Variants in PLCB2 observed in about 807,000 individuals in gnomAD.
PLCB2 encodes the protein phospholipase C beta 2.
A neutral mutation model predicts 141.7 loss-of-function variants in PLCB2; 115 were observed. The ratio of observed to expected loss-of-function variants is 0.81; its 90% CI spans 0.70 to 0.95. The LOEUF is 0.95. Among genes scored for constraint, PLCB2 ranks in the 40% least tolerant of loss-of-function variants. The pLI, the probability that PLCB2 is intolerant of heterozygous loss-of-function variation, is 0.00. For synonymous variants in PLCB2, 603 were observed against 595.6 expected (o/e 1.01, Z -0.18); for missense variants, 1,403 against 1,541.1 (o/e 0.91, Z 1.50).
At chr15:40,292,036 C>T in intron 23 of PLCB2, 28 bp downstream of exon 23, 1 of 1,609,494 alleles carries the variant, frequency 6.2e-7, no homozygotes, top group Non-Finnish European at 8.5e-7. Context: ...TCTGGTGAGC[C>T]CCTGGCAGCA....
intron 3 of PLCB2, 136 bp from the exon 4 acceptor site, chr15:40,302,745 G>A (rs2040585784): frequency 1.1e-6 from 1 of 913,814 alleles, no homozygotes; most frequent in Non-Finnish European, 1.6e-6. Flanking sequence ...GGAACCACAG[G>A]CCTTAGCATC....
downstream of PLCB2, chr15:40,284,294 GCA>G: frequency 6.0e-6 from 2 of 331,550 alleles, no homozygotes; most frequent in South Asian, 4.6e-5. Context: ...TTCATGAGCC[GCA>G]CATTTTGTTG....
At chr15:40,284,278 A>G (rs919523383), downstream of PLCB2, 3 of 337,930 alleles carry the variant, frequency 8.9e-6, no homozygotes, top group Non-Finnish European at 1.8e-5. Context: ...GAATTTACTG[A>G]GACTTTTCAT....
chr15:40,299,070 G>A (rs761693922), intron 8 of PLCB2, 58 bp downstream of exon 8: 16 of 1,566,192 alleles, frequency 1.0e-5, no homozygotes, highest in Non-Finnish European at 1.2e-5. Context: ...GCAGGTGGGA[G>A]GAGGGGATTG....
At position 40,304,036 on chromosome 15, in the gene PLCB2, T is replaced by G. The variant is rs1289690435; in HGVS notation, c.127A>C (p.Lys43Gln). ...ASPVILRVDP[K>Q]GYYLYWTYQS... ...TACGTCCAGTATAAGTAGTAGCCCT[T>G]AGGATCCACACGGAGGATAACTGGA... The change falls in exon 2 of 32, where the codon AAG becomes CAG. Residue 43 changes from lysine (K) to glutamine (Q), a missense_variant. Coordinates refer to ENST00000260402, the MANE Select transcript of PLCB2 (RefSeq NM_004573.3). 1.9e-6 allele frequency: 3 copies of G among 1,600,418 alleles called. No individual in the cohort carries two copies. Among genetic ancestry groups the G allele is most frequent in the Admixed American group, 1.7e-5 (1 of 57,720 alleles).
rs1234308401 is a variant in PLCB2 at position 40,291,077 on chromosome 15, G to A, written c.2977C>T (p.Arg993Trp). ...CACTCGTACTGCTCCTCGCCCTGCC[G>A]CAGCAGCTCCAGCTCCAGCCTGTCT... ...LKDRLELELLRQGEEQYECVL... is the reference protein window; with the variant it reads ...LKDRLELELLWQGEEQYECVL... The change falls in exon 27 of 32, where the codon CGG becomes TGG. Residue 993 changes from arginine to tryptophan, a missense_variant. Physicochemically the swap from Arg to Trp is moderately radical, Grantham distance 101. Coordinates refer to ENST00000260402, the MANE Select transcript of PLCB2 (RefSeq NM_004573.3). 2 of 1,590,164 alleles carry A rather than the reference G, an allele frequency of 1.3e-6. No homozygotes were observed. Among genetic ancestry groups the A allele is most frequent in the African/African-American group, 2.7e-5 (2 of 74,786 alleles).
intron 3 of PLCB2, 33 bp from the exon 4 acceptor site, chr15:40,302,642 G>A (rs747498689): frequency 8.1e-6 from 13 of 1,611,330 alleles, no homozygotes; most frequent in Non-Finnish European, 1.1e-5. Flanking sequence ...TAGGATGGAG[G>A]TGTGCTCCCT....
In PLCB2 at chr15:40,294,403, TC is replaced by T; in HGVS notation, c.1923del (p.Asn642ThrfsTer47). On this transcript the variant is annotated frameshift_variant, in exon 19 of 32. Coordinates refer to ENST00000260402, the MANE Select transcript of PLCB2 (RefSeq NM_004573.3). LOFTEE classifies it high-confidence loss of function. ...NFQTMDLPMQ[Q>X]NMAVFEFNGQ... ...CCGTTGAACTCAAATACTGCCATGT[TC>T]TGCTGCATGGGCAAGTCTGGAGGGA... 1 of 1,614,204 alleles carries T rather than the reference TC, an allele frequency of 6.2e-7. No individual in the cohort carries two copies. Among genetic ancestry groups the T allele is most frequent in the Non-Finnish European group, 8.5e-7 (1 of 1,180,020 alleles).
chr15:40,299,673 A>G (rs2040411990), intron 7 of PLCB2, among the ~76,000 whole-genome samples: 1 of 152,262 alleles, frequency 6.6e-6, no homozygotes, highest in South Asian at 2.1e-4. Context: ...CAATTCAACA[A>G]TAATATTTGG....
chr15:40,294,869 C>G (rs2040120649), intron 18 of PLCB2, 67 bp downstream of exon 18: 2 of 1,604,246 alleles, frequency 1.2e-6, no homozygotes, highest in Non-Finnish European at 1.7e-6. Context: ...AAAGACCCCT[C>G]AAGGATGTAA....
chr15:40,291,361 T>G lies in PLCB2; in HGVS notation c.2774A>C (p.Gln925Pro). Reference sequence around the variant, plus strand: ...CTCCGCCAGCTGCGCCGCGCCCCGCTGCAGCAGCTCCTCCCAGCGCCGCGC... The same window carrying G: ...CTCCGCCAGCTGCGCCGCGCCCCGCGGCAGCAGCTCCTCCCAGCGCCGCGC... ...RGARRWEELL[Q>P]RGAAQLAELG... is the part of the protein sequence containing the mutation. The change falls in exon 26 of 32, where the codon CAG becomes CCG. Residue 925 changes from glutamine to proline, a missense_variant. Coordinates refer to ENST00000260402, the MANE Select transcript of PLCB2 (RefSeq NM_004573.3). 6.6e-7 allele frequency: 1 copy of G among 1,525,660 alleles called. No individual in the cohort carries two copies. Among genetic ancestry groups the G allele is most frequent in the Non-Finnish European group, 8.7e-7 (1 of 1,142,950 alleles). 94.5% of individuals were successfully genotyped at this position (1,525,660 alleles called of 1,614,324 possible). A position where few individuals can be genotyped will look rare whatever the true frequency, so the allele number is the denominator to read the frequency against.
chr15:40,301,727 G>A lies in PLCB2; in HGVS notation c.582+230C>T, dbSNP rs376395207. ...CAGCCCCAGCGCCCCCACCACCCAG[G>A]GTAGGGGATACAGACAAACCTGCTT... On this transcript the variant is annotated intron_variant, in intron 7 of 31. Transcript: ENST00000260402. 9.1e-5 allele frequency: 64 copies of A among 706,388 alleles called. 1 individual carries two copies. The highest frequency in any genetic ancestry group is 3.0e-4 in the East Asian group (11 of 37,264). The allele number at this position is 706,388 out of a possible 1,614,324, so 43.8% of individuals were successfully genotyped here. A position where few individuals can be genotyped will look rare whatever the true frequency, so the allele number is the denominator to read the frequency against.
intron 1 of PLCB2, among the ~76,000 whole-genome samples, chr15:40,304,692 G>C (rs1171456264): frequency 6.6e-6 from 1 of 152,082 alleles, no homozygotes; most frequent in Non-Finnish European, 1.5e-5. Flanking sequence ...AAATCCCCAG[G>C]GACTCATGGA....
chr15:40,307,564 C>T (rs769683860), intron 1 of PLCB2, 25 bp downstream of exon 1: 3 of 1,458,696 alleles, frequency 2.1e-6, no homozygotes, highest in Non-Finnish European at 2.8e-6. Context: ...GGTGCTCCAG[C>T]AGCTGAGGCC....
Position 40,292,359 on chromosome 15 carries a change from T to C in PLCB2, c.2411A>G (p.Tyr804Cys). The change falls in exon 22 of 32, where the codon TAC becomes TGC. Residue 804 changes from tyrosine to cysteine, a missense_variant. This residue lies in a region of PLCB2 where 975 missense variants were observed against 1,141.1 expected (regional missense o/e 0.85). Transcript: ENST00000260402. Reference protein sequence around the residue: ...ALFIFLEMKDYIPGAWADLTV... With the variant: ...ALFIFLEMKDCIPGAWADLTV... ...CCTACCTGCCCAAGCACCAGGTATG[T>C]AGTCCTTCATCTCCAGGAAGATGAA... The C allele has an allele frequency of 6.2e-7, 1 of 1,612,980 alleles. No homozygotes were observed. Among genetic ancestry groups the C allele is most frequent in the Non-Finnish European group, 8.5e-7 (1 of 1,179,148 alleles).
chr15:40,294,919 C>G lies in PLCB2; in HGVS notation c.1906+17G>C. On this transcript the variant is annotated intron_variant, in intron 18 of 31. Coordinates refer to ENST00000260402, the MANE Select transcript of PLCB2 (RefSeq NM_004573.3). ...GGGACCAGGGAAGGATTCTTAGGGG[C>G]CTGGGAATGCCCTCACCCATCGTCT... 1.9e-6 allele frequency: 3 copies of G among 1,613,996 alleles called. No homozygotes were observed. Among genetic ancestry groups the G allele is most frequent in the Non-Finnish European group, 1.7e-6 (2 of 1,179,924 alleles).
rs1264341357 is a variant in PLCB2, at chr15:40,293,622, G to T, written c.2164C>A (p.Leu722Met). ...TTGATGGAGTTAGTACTGGGTGACA[G>T]CTTAGTTCGATAGCGCCTCTTGGGG... Reference protein sequence around the residue: ...GDPKRRYRTKLSPSTNSINPV... With the variant: ...GDPKRRYRTKMSPSTNSINPV... Residue 722 changes from leucine (L) to methionine (M), a missense_variant, in exon 20 of 32, where the codon CTG (leucine) becomes ATG (methionine). Leu to Met is a conservative substitution (Grantham distance 15). Coordinates refer to ENST00000260402, the MANE Select transcript of PLCB2 (RefSeq NM_004573.3). 1 of 1,614,144 alleles carries T rather than the reference G, an allele frequency of 6.2e-7. No homozygotes were observed. Among genetic ancestry groups the T allele is most frequent in the South Asian group, 1.1e-5 (1 of 91,080 alleles).
rs1201409390 is a variant in PLCB2 at position 40,296,277 on chromosome 15, G to A, written c.1696+19C>T. 2 of 1,592,518 alleles carry A rather than the reference G, an allele frequency of 1.3e-6. No homozygotes were observed. The highest frequency in any genetic ancestry group is 1.7e-6 in the Non-Finnish European group (2 of 1,162,914). On this transcript the variant is annotated intron_variant, in intron 16 of 31. Coordinates refer to ENST00000260402, the MANE Select transcript of PLCB2 (RefSeq NM_004573.3). ...CCCCCTTCTTCTTACCCACCCGTAA[G>A]TTACTCATGCTAACTTACGGGCAGA...
chr15:40,291,999 C>T, intron 23 of PLCB2, 65 bp downstream of exon 23: 2 of 1,605,074 alleles, frequency 1.2e-6, no homozygotes, highest in South Asian at 2.2e-5. Flanking sequence ...GCCCTCTCCC[C>T]AGCCTCTCCC....
Sources: gnomAD v4.1 joint callset for allele counts (sites outside exome capture counted in the v4.1 genomes callset) on GRCh38, gnomAD v4.1.1 for gene constraint, gnomAD v4.1.1 regional missense constraint, MANE v1.5 for transcripts, NCBI Gene and HGNC (gene_info 2026-07-23, HGNC 2026-07-21) for gene names.